CAMK1D: variants seen among roughly 807,000 people sequenced by gnomAD.
CAMK1D encodes the protein calcium/calmodulin-dependent protein kinase type 1D.
A neutral mutation model predicts 47.7 loss-of-function variants in CAMK1D; 9 were observed. The ratio of observed to expected loss-of-function variants is 0.19; its 90% CI spans 0.11 to 0.33. The LOEUF is 0.33. Among genes scored for constraint, CAMK1D ranks in the 10% least tolerant of loss-of-function variants. CAMK1D has a pLI of 1.00. For synonymous variants in CAMK1D, 184 were observed against 184.9 expected, an observed-to-expected ratio of 0.99 and a Z score of 0.04; for missense variants, 291 against 488.7, an observed-to-expected ratio of 0.60 and a Z score of 3.81.
chr10:12,556,836 G>A (rs1026757100), intron 2 of CAMK1D, among the ~76,000 whole-genome samples: 7 of 152,220 alleles, frequency 4.6e-5, no homozygotes, highest in Non-Finnish European at 8.8e-5. Flanking sequence ...GGGGGGCCAG[G>A]ACTCTATGTA....
chr10:12,673,120 G>C (rs950383608), intron 3 of CAMK1D, among the ~76,000 whole-genome samples: 8 of 151,822 alleles, frequency 5.3e-5, no homozygotes, highest in Admixed American at 4.6e-4. Context: ...CCTGAGCTCA[G>C]GCAATCCTCC....
chr10:12,518,640 C>A (rs1374816859), intron 1 of CAMK1D, among the ~76,000 whole-genome samples: 1 of 95,414 alleles, frequency 1.0e-5, no homozygotes, highest in Non-Finnish European at 2.3e-5. Context: ...TGCGGCCTTC[C>A]GCAGTGTTTG....
chr10:12,600,350 A>G (rs1290611179), intron 2 of CAMK1D, among the ~76,000 whole-genome samples: 2 of 152,164 alleles, frequency 1.3e-5, no homozygotes, highest in Non-Finnish European at 2.9e-5. Flanking sequence ...AATGGGCCCT[A>G]CGTTTTCACT....
intron 4 of CAMK1D, among the ~76,000 whole-genome samples, chr10:12,763,048 G>A (rs145874062): frequency 1.2e-3 from 180 of 152,332 alleles, no homozygotes; most frequent in Non-Finnish European, 2.2e-3. Flanking sequence ...AGGCTGATTG[G>A]CTGTATGGGA....
At chr10:12,396,366 C>T (rs1033681636) in intron 1 of CAMK1D, among the ~76,000 whole-genome samples, 1 of 152,132 alleles carries the variant, frequency 6.6e-6, no homozygotes, top group Non-Finnish European at 1.5e-5. Flanking sequence ...TTGCCAAAAT[C>T]GTCATTTTTC....
intron 1 of CAMK1D, among the ~76,000 whole-genome samples, chr10:12,503,825 T>C (rs907590440): frequency 3.3e-5 from 5 of 152,132 alleles, no homozygotes; most frequent in African/African-American, 1.2e-4. Context: ...TCCCTTGGAG[T>C]CCTGCTTTGT....
intron 1 of CAMK1D, among the ~76,000 whole-genome samples, chr10:12,495,267 A>T (rs559992995): frequency 1.8e-4 from 28 of 152,234 alleles, no homozygotes; most frequent in South Asian, 6.2e-4. Flanking sequence ...CTTACTTTTT[A>T]AAAAAAACTT....
chr10:12,787,830 T>C (rs1195491325), intron 5 of CAMK1D, among the ~76,000 whole-genome samples: 1 of 151,940 alleles, frequency 6.6e-6, no homozygotes, highest in African/African-American at 2.4e-5. Flanking sequence ...TGAAACCCCA[T>C]CTCTACTAAA....
At chr10:12,431,029 C>T (rs61847409) in intron 1 of CAMK1D, among the ~76,000 whole-genome samples, 2,575 of 152,194 alleles carry the variant, frequency 0.017, 28 homozygotes, top group Non-Finnish European at 0.026. Flanking sequence ...GGGTTATAGG[C>T]GTGAACCATA....
chr10:12,379,720 T>G (rs943454461), intron 1 of CAMK1D, among the ~76,000 whole-genome samples: 14 of 152,160 alleles, frequency 9.2e-5, no homozygotes, highest in South Asian at 6.2e-4. Context: ...GCCACTGCAC[T>G]GCAGTCTGGG....
intron 1 of CAMK1D, among the ~76,000 whole-genome samples, chr10:12,391,600 G>A (rs1432018736): frequency 6.6e-6 from 1 of 151,974 alleles, no homozygotes; most frequent in African/African-American, 2.4e-5. Context: ...ATTCCCTTTC[G>A]GGAGGATGAT....
intron 1 of CAMK1D, among the ~76,000 whole-genome samples, chr10:12,421,755 T>C (rs572284689): frequency 2.0e-5 from 3 of 151,662 alleles, no homozygotes; most frequent in South Asian, 4.2e-4. Flanking sequence ...CCCAGGACTC[T>C]TTTTGATAGT....
intron 2 of CAMK1D, among the ~76,000 whole-genome samples, chr10:12,640,958 T>A (rs1285792609): frequency 6.6e-6 from 1 of 151,736 alleles, no homozygotes; most frequent in Non-Finnish European, 1.5e-5. Context: ...AAAATACAGT[T>A]TTTTTGTTTT....
intron 3 of CAMK1D, among the ~76,000 whole-genome samples, chr10:12,735,059 A>G (rs973875679): frequency 6.6e-6 from 1 of 152,260 alleles, no homozygotes; most frequent in Admixed American, 6.5e-5. Context: ...AATAGTAATA[A>G]TAATGGCTAG....
chr10:12,754,583 A>T (rs549483822), intron 3 of CAMK1D, among the ~76,000 whole-genome samples: 12 of 152,346 alleles, frequency 7.9e-5, no homozygotes, highest in African/African-American at 1.9e-4. Context: ...GTTTGGGCTA[A>T]TGTAACAGAA....
chr10:12,686,935 A>G (rs1040214000), intron 3 of CAMK1D, among the ~76,000 whole-genome samples: 1 of 152,186 alleles, frequency 6.6e-6, no homozygotes, highest in South Asian at 2.1e-4. Flanking sequence ...ATCTTTGACT[A>G]CCAACCTCAA....
intron 1 of CAMK1D, among the ~76,000 whole-genome samples, chr10:12,466,902 G>A (rs539392988): frequency 4.6e-5 from 7 of 152,196 alleles, no homozygotes; most frequent in Non-Finnish European, 8.8e-5. Context: ...AGGGATTGTC[G>A]TAGCTGGGGC....
chr10:12,580,946 A>G (rs921908800), intron 2 of CAMK1D, among the ~76,000 whole-genome samples: 2 of 152,060 alleles, frequency 1.3e-5, no homozygotes, highest in African/African-American at 4.8e-5. Flanking sequence ...CTACATGAAT[A>G]AGTTCTTTAG....
intron 1 of CAMK1D, among the ~76,000 whole-genome samples, chr10:12,530,754 G>A (rs978964578): frequency 2.6e-5 from 4 of 152,026 alleles, no homozygotes; most frequent in Non-Finnish European, 5.9e-5. Flanking sequence ...TAGAGACTGA[G>A]GTAATCAGAA....
Sources: allele counts gnomAD v4.1 joint callset (sites outside exome capture counted in the v4.1 genomes callset), GRCh38; gene constraint gnomAD v4.1.1; transcripts MANE v1.5; gene names NCBI Gene and HGNC (gene_info 2026-07-23, HGNC 2026-07-21).